SVIL: variants seen among roughly 807,000 people sequenced by gnomAD.
SVIL encodes supervillin.
In SVIL, 101 loss-of-function variants were observed where a neutral mutation model predicts 240.4. That is an observed-to-expected ratio of 0.42 (90% CI 0.36 to 0.50). SVIL has a LOEUF of 0.50. Among genes scored for constraint, SVIL ranks in the 20% least tolerant of loss-of-function variants. The pLI is 0.01. For missense variants in SVIL, 2,512 were observed against 2,818.7 expected (o/e 0.89, Z 2.46); for synonymous variants, 999 against 1,100.0 (o/e 0.91, Z 1.82).
At chr10:29,527,882 T>C (rs1211503884) in intron 12 of SVIL, among the ~76,000 whole-genome samples, 1 of 151,708 alleles carries the variant, frequency 6.6e-6, no homozygotes, top group Non-Finnish European at 1.5e-5. Context: ...TGCGCCACCA[T>C]GCCTGGCCAA....
intron 18 of SVIL, among the ~76,000 whole-genome samples, chr10:29,495,584 T>G (rs552038022): frequency 6.6e-6 from 1 of 152,206 alleles, no homozygotes; most frequent in South Asian, 2.1e-4. Flanking sequence ...CCCCCCGCAG[T>G]GGAGCTCTCC....
intron 2 of SVIL, 100 bp downstream of exon 2, chr10:29,569,155 C>T (rs1325375287): frequency 2.1e-6 from 1 of 468,614 alleles, no homozygotes; most frequent in African/African-American, 2.1e-5. Flanking sequence ...AAACATATTG[C>T]CAAACATTTA....
At chr10:29,681,837 T>G (rs1421792742) in intron 2 of SVIL, among the ~76,000 whole-genome samples, 1 of 152,144 alleles carries the variant, frequency 6.6e-6, no homozygotes, top group Non-Finnish European at 1.5e-5. Context: ...GTCGCATTTG[T>G]TTATTTCAAC....
intron 3 of SVIL, among the ~76,000 whole-genome samples, chr10:29,557,827 GAC>G (rs1954079302): frequency 2.0e-5 from 3 of 152,140 alleles, no homozygotes; most frequent in Non-Finnish European, 4.4e-5. Flanking sequence ...GGATCTAGCA[GAC>G]ACACAGATGG....
intron 1 of SVIL, among the ~76,000 whole-genome samples, chr10:29,708,997 A>T (rs1477748547): frequency 8.9e-6 from 1 of 111,744 alleles, no homozygotes; most frequent in Admixed American, 1.0e-4. Flanking sequence ...AACACAAAGC[A>T]AAAGAATAAA....
At chr10:29,649,952 C>G (rs928571100) in intron 3 of SVIL, among the ~76,000 whole-genome samples, 1 of 152,212 alleles carries the variant, frequency 6.6e-6, no homozygotes, top group Non-Finnish European at 1.5e-5. Flanking sequence ...AAAGTGCGTA[C>G]ATTTCTCTGT....
chr10:29,735,003 A>T lies in SVIL; in HGVS notation c.-400+748T>A, dbSNP rs937869064. Reference sequence around the variant, plus strand: ...TCTCATGCCAACGCCTGAAGCTCTTAATCCCGCACCTGACCCAGATTGCGG... The same window carrying T: ...TCTCATGCCAACGCCTGAAGCTCTTTATCCCGCACCTGACCCAGATTGCGG... On this transcript the variant is annotated intron_variant, in intron 1 of 35. Transcript: ENST00000375400. The surrounding 1 kb of genome is among the most constrained non-coding windows in gnomAD (Gnocchi z 4.1). 2.6e-5 allele frequency among the ~76,000 whole-genome samples: 4 copies of T among 152,168 alleles called. No homozygotes were observed. Among genetic ancestry groups the T allele is most frequent in the African/African-American group, 9.6e-5 (4 of 41,458 alleles).
chr10:29,546,615 T>C (rs1287023397), intron 6 of SVIL, among the ~76,000 whole-genome samples: 1 of 152,218 alleles, frequency 6.6e-6, no homozygotes, highest in African/African-American at 2.4e-5. Flanking sequence ...TTAATGATTA[T>C]TCTGTATATA....
At chr10:29,496,962 G>A (rs1405090432) in intron 18 of SVIL, among the ~76,000 whole-genome samples, 2 of 152,176 alleles carry the variant, frequency 1.3e-5, no homozygotes, top group Non-Finnish European at 2.9e-5. Context: ...ACCTAACGAC[G>A]TGCTTCTGTT....
rs1289344848 is a variant in SVIL, at chr10:29,630,750, G to GA, written c.-201+3669dup. On this transcript the variant is annotated intron_variant, in intron 1 of 37. Coordinates refer to ENST00000355867, the MANE Select transcript of SVIL (RefSeq NM_021738.3). Reference sequence around the variant, plus strand: ...TCTGCTTGCATTGTCATAGATGAAGGAAAAAAAAGGAGAACTTATAACACA... The same window carrying GA: ...TCTGCTTGCATTGTCATAGATGAAGGAAAAAAAAAGGAGAACTTATAACACA... Among the ~76,000 whole-genome samples, 7 of 151,026 alleles carry GA rather than the reference G, an allele frequency of 4.6e-5. No individual in the cohort carries two copies. The East Asian group carries it at 7.8e-4, about 17-fold the overall frequency.
At chr10:29,646,188 A>C (rs766084112) in intron 3 of SVIL, among the ~76,000 whole-genome samples, 21 of 152,198 alleles carry the variant, frequency 1.4e-4, no homozygotes, top group Admixed American at 4.6e-4. Context: ...TCTTTTCCAA[A>C]GGCAACTTTA....
At chr10:29,570,799 C>G (rs1955368564) in intron 1 of SVIL, among the ~76,000 whole-genome samples, 1 of 152,188 alleles carries the variant, frequency 6.6e-6, no homozygotes, top group African/African-American at 2.4e-5. Context: ...TATCAGCAAT[C>G]ACAAGATAAG....
In SVIL at chr10:29,458,258, CT is replaced by C; in HGVS notation, c.6633del (p.Gly2212AlafsTer80). 1 of 1,614,212 alleles carries C rather than the reference CT, an allele frequency of 6.2e-7. No individual in the cohort carries two copies. Among genetic ancestry groups the C allele is most frequent in the Non-Finnish European group, 8.5e-7 (1 of 1,180,030 alleles). On this transcript the variant is annotated frameshift_variant, in exon 38 of 38. Transcript: ENST00000355867. LOFTEE classifies it high-confidence loss of function. ...AWKQVNLKKA[K>X]GLF is the part of the protein sequence containing the mutation. ...TGGCGTCTCCCCACTCAGAACAGGC[CT>C]TTTGCTTTCTTCAGGTTCACCTGCT... is the stretch of plus-strand genomic sequence containing the variant.
At chr10:29,668,663 G>A (rs1959521800) in intron 2 of SVIL, among the ~76,000 whole-genome samples, 2 of 152,136 alleles carry the variant, frequency 1.3e-5, no homozygotes, top group Middle Eastern at 3.4e-3. Context: ...TAGTAGAGAC[G>A]GAGTTTCACC....
rs751452006 is a variant in SVIL at position 29,463,655 on chromosome 10, G to A, written c.6134-20C>T. 36 of 1,611,606 alleles carry A rather than the reference G, an allele frequency of 2.2e-5. 1 individual carries two copies. Among genetic ancestry groups the A allele is most frequent in the Non-Finnish European group, 2.8e-5 (33 of 1,178,894 alleles). The stretch of plus-strand genomic sequence containing the variant: ...AAAGTGCTGTGAGGGCAGGGACAGG[G>A]CCAGACCATCAGGAGCTCCTTCACG... On this transcript the variant is annotated intron_variant, in intron 34 of 37. Coordinates refer to ENST00000355867, the MANE Select transcript of SVIL (RefSeq NM_021738.3).
intron 6 of SVIL, among the ~76,000 whole-genome samples, chr10:29,541,730 C>T (rs138969623): frequency 6.6e-6 from 1 of 152,282 alleles, no homozygotes; most frequent in Non-Finnish European, 1.5e-5. Flanking sequence ...GGAACCATCA[C>T]TCCTAGAATA....
chr10:29,662,033 C>G (rs1959168623), intron 2 of SVIL, among the ~76,000 whole-genome samples: 1 of 152,158 alleles, frequency 6.6e-6, no homozygotes, highest in Admixed American at 6.5e-5. Context: ...GGGCATTGAG[C>G]AGCAACTTAT....
chr10:29,604,498 C>T (rs905022139), intron 1 of SVIL, among the ~76,000 whole-genome samples: 1 of 148,954 alleles, frequency 6.7e-6, no homozygotes, highest in Non-Finnish European at 1.5e-5. Context: ...GTTGGGATTA[C>T]AGGCGTGAGC....
At chr10:29,459,058 C>T (rs1276797940) in intron 36 of SVIL, among the ~76,000 whole-genome samples, 1 of 148,966 alleles carries the variant, frequency 6.7e-6, no homozygotes. Context: ...AAACTTCTGG[C>T]CTCAAGCGAT....
Sources: allele counts gnomAD v4.1 joint callset (sites outside exome capture counted in the v4.1 genomes callset), GRCh38; gene constraint gnomAD v4.1.1; non-coding constraint Gnocchi (gnomAD v3.1); transcripts MANE v1.5; gene names NCBI Gene and HGNC (gene_info 2026-07-23, HGNC 2026-07-21).